MSI2: variants seen among roughly 807,000 people sequenced by gnomAD.
MSI2 encodes musashi RNA binding protein 2.
Under a neutral mutation model 45.6 loss-of-function variants are expected in MSI2, and 17 were observed. That is an observed-to-expected ratio of 0.37 (90% CI 0.26 to 0.56). The LOEUF is 0.56. Ranked by LOEUF, MSI2 falls within the 20% of genes least tolerant of loss-of-function variation. The probability of loss-of-function intolerance (pLI) is 0.77; values close to 1 mark genes in which losing one functional copy is unlikely to be tolerated. For missense variants in MSI2, 293 were observed against 444.2 expected (o/e 0.66, Z 3.06); for synonymous variants, 156 against 158.2 (o/e 0.99, Z 0.11).
intron 6 of MSI2, among the ~76,000 whole-genome samples, chr17:57,464,597 C>G (rs1276809614): frequency 6.6e-6 from 1 of 152,180 alleles, no homozygotes; most frequent in Admixed American, 6.5e-5. Flanking sequence ...AAGAAGACTG[C>G]TGCCTCGTTA....
upstream of MSI2, among the ~76,000 whole-genome samples, chr17:57,256,133 G>A (rs550821405): frequency 6.6e-6 from 1 of 152,210 alleles, no homozygotes; most frequent in South Asian, 2.1e-4. Flanking sequence ...AGGGTGGGGG[G>A]CGTCTTCTCC....
At chr17:57,414,137 C>G (rs2084249195) in intron 6 of MSI2, among the ~76,000 whole-genome samples, 2 of 149,844 alleles carry the variant, frequency 1.3e-5, no homozygotes, top group African/African-American at 5.1e-5. Context: ...CTGAGAGAAT[C>G]CATAATGGGA....
In MSI2 at chr17:57,596,832, C is replaced by A; in HGVS notation, c.455-36C>A. The stretch of plus-strand genomic sequence containing the variant: ...CCTGCCAGAACTGAACTCACCCCGC[C>A]TCTCTTTGTTTTTTCTTCTCTCTCT... On this transcript the variant is annotated intron_variant, in intron 7 of 13. Transcript: ENST00000284073. The surrounding 1 kb of genome is among the most constrained non-coding windows in gnomAD (Gnocchi z 4.6). The A allele has an allele frequency of 6.6e-7, 1 of 1,515,766 alleles. No individual in the cohort carries two copies. Among genetic ancestry groups the A allele is most frequent in the Non-Finnish European group, 9.2e-7 (1 of 1,091,872 alleles). 93.9% of individuals were successfully genotyped at this position (1,515,766 alleles called of 1,614,324 possible). A position where few individuals can be genotyped will look rare whatever the true frequency, so the allele number is the denominator to read the frequency against.
At chr17:57,616,132 G>A (rs1450875662) in intron 9 of MSI2, 48 bp downstream of exon 9, 6 of 1,490,468 alleles carry the variant, frequency 4.0e-6, no homozygotes, top group Non-Finnish European at 5.6e-6. Context: ...GAGGGCTATG[G>A]AGGCCTCTAC....
chr17:57,487,883 C>T (rs1320598533), intron 6 of MSI2, among the ~76,000 whole-genome samples: 2 of 151,886 alleles, frequency 1.3e-5, no homozygotes, highest in Non-Finnish European at 2.9e-5. Flanking sequence ...GTCTCCCTCC[C>T]TCTATTCTCA....
At chr17:57,542,110 G>A (rs774715312) in intron 7 of MSI2, among the ~76,000 whole-genome samples, 14 of 152,206 alleles carry the variant, frequency 9.2e-5, no homozygotes, top group East Asian at 5.8e-4. Flanking sequence ...ACAGTGGGCC[G>A]TGTTTTGTGT....
chr17:57,328,206 T>TCACC (rs996521646), intron 5 of MSI2, among the ~76,000 whole-genome samples: 2 of 152,110 alleles, frequency 1.3e-5, no homozygotes, highest in Non-Finnish European at 2.9e-5. Flanking sequence ...GTCCTTCTGT[T>TCACC]CATCCATCCA....
intron 6 of MSI2, among the ~76,000 whole-genome samples, chr17:57,442,257 T>G (rs1240621272): frequency 5.3e-5 from 8 of 152,062 alleles, no homozygotes; most frequent in African/African-American, 1.7e-4. Context: ...GGATGGTCTC[T>G]ATCTCTTGAC....
chr17:57,293,830 A>G (rs558420294), intron 5 of MSI2, among the ~76,000 whole-genome samples: 143 of 149,706 alleles, frequency 9.6e-4, no homozygotes, highest in Admixed American at 2.2e-3. Context: ...CTGGTCTCGA[A>G]CTCCTGACCT....
At chr17:57,424,410 G>T (rs2084453058) in intron 6 of MSI2, among the ~76,000 whole-genome samples, 1 of 152,190 alleles carries the variant, frequency 6.6e-6, no homozygotes, top group Non-Finnish European at 1.5e-5. Context: ...TCTGCCTTGG[G>T]GCTTAACAGA....
intron 8 of MSI2, among the ~76,000 whole-genome samples, chr17:57,614,068 TGAGATA>T (rs2061254151): frequency 6.6e-6 from 1 of 152,158 alleles, no homozygotes; most frequent in African/African-American, 2.4e-5. Flanking sequence ...TTTTATTTTT[TGAGATA>T]GAGTCTCGCT....
At chr17:57,296,935 C>T (rs1328754588) in intron 5 of MSI2, among the ~76,000 whole-genome samples, 5 of 152,138 alleles carry the variant, frequency 3.3e-5, no homozygotes, top group East Asian at 1.9e-4. Flanking sequence ...AGTGCAGTGG[C>T]GCGATCTCTG....
chr17:57,320,822 G>A (rs1913270760), intron 5 of MSI2, among the ~76,000 whole-genome samples: 2 of 152,058 alleles, frequency 1.3e-5, no homozygotes, highest in African/African-American at 2.4e-5. Context: ...TGTCAGGAAG[G>A]GAGAAAGAAG....
At chr17:57,256,501 G>C (rs1906720766), upstream of MSI2, 1 of 272,418 alleles carries the variant, frequency 3.7e-6, no homozygotes, top group African/African-American at 2.4e-5. Context: ...GGGATGGGCC[G>C]GGGGGGCGGG....
At position 57,533,444 on chromosome 17, in the gene MSI2, C is replaced by T. The variant is rs114352842; in HGVS notation, c.454+3720C>T. On this transcript the variant is annotated intron_variant, in intron 7 of 13. Transcript: ENST00000284073. ...TGACATTTTTCCTGGGGGCACATTC[C>T]CTGACCTCTGAGCATCTCAGGTTCT... 5.8e-3 allele frequency among the ~76,000 whole-genome samples: 889 copies of T among 152,304 alleles called. 12 individuals carry two copies. Among genetic ancestry groups the T allele is most frequent in the African/African-American group, 0.019 (802 of 41,562 alleles).
At chr17:57,490,347 G>A (rs1483705855) in intron 6 of MSI2, among the ~76,000 whole-genome samples, 2 of 152,238 alleles carry the variant, frequency 1.3e-5, no homozygotes, top group South Asian at 4.1e-4. Context: ...AATTTGCCAA[G>A]TGTCTTGAAG....
intron 5 of MSI2, among the ~76,000 whole-genome samples, chr17:57,318,752 A>G (rs1913080145): frequency 6.6e-6 from 1 of 152,276 alleles, no homozygotes; most frequent in Non-Finnish European, 1.5e-5. Flanking sequence ...CTTTGTGGCA[A>G]GTTTCCCCCT....
chr17:57,537,106 CT>C (rs1165907823), intron 7 of MSI2, among the ~76,000 whole-genome samples: 4 of 152,148 alleles, frequency 2.6e-5, no homozygotes, highest in Admixed American at 6.5e-5. Flanking sequence ...TCTGTGTAGC[CT>C]CAATGTTGGG....
intron 10 of MSI2, among the ~76,000 whole-genome samples, chr17:57,642,652 A>G (rs1910347501): frequency 6.6e-6 from 1 of 152,196 alleles, no homozygotes; most frequent in Admixed American, 6.5e-5. Context: ...TTTGCTGTCC[A>G]CAGCTAGCAA....
Sources: allele counts gnomAD v4.1 joint callset (sites outside exome capture counted in the v4.1 genomes callset), GRCh38; gene constraint gnomAD v4.1.1; non-coding constraint Gnocchi (gnomAD v3.1); transcripts MANE v1.5; gene names NCBI Gene and HGNC (gene_info 2026-07-23, HGNC 2026-07-21).